Variants in NHSL1 observed in about 807,000 individuals in gnomAD.
NHSL1 encodes NHS-like protein 1.
NHSL1 carries 48 observed loss-of-function variants against 95.0 expected under a neutral mutation model. The observed-to-expected ratio is 0.51, with a 90% CI of 0.40 to 0.64. The LOEUF (loss-of-function observed/expected upper bound fraction) is 0.64, where lower values mean the gene tolerates loss of function less well. Ranked by LOEUF, NHSL1 falls within the 30% of genes least tolerant of loss-of-function variation. NHSL1 has a pLI of 0.00. For synonymous variants in NHSL1, 783 were observed against 833.9 expected, an observed-to-expected ratio of 0.94 and a Z score of 1.05; for missense variants, 1,971 against 2,077.7, an observed-to-expected ratio of 0.95 and a Z score of 1.00.
intron 1 of NHSL1, among the ~76,000 whole-genome samples, chr6:138,615,988 G>C (rs1784573849): frequency 6.6e-6 from 1 of 152,172 alleles, no homozygotes; most frequent in South Asian, 2.1e-4. Context: ...CCAGGAGTTT[G>C]AGCCCAGCCT....
At chr6:138,533,971 C>T (rs61146561) in intron 1 of NHSL1, among the ~76,000 whole-genome samples, 8,919 of 152,266 alleles carry the variant, frequency 0.059, 315 homozygotes, top group East Asian at 0.11. Flanking sequence ...TTTTCTCCTC[C>T]TCTATGACCA....
At chr6:138,509,915 T>A (rs1187835229) in intron 1 of NHSL1, among the ~76,000 whole-genome samples, 3 of 152,010 alleles carry the variant, frequency 2.0e-5, no homozygotes, top group Non-Finnish European at 4.4e-5. Context: ...AAGAAAAAAA[T>A]TTACATCAAT....
intron 1 of NHSL1, among the ~76,000 whole-genome samples, chr6:138,523,992 G>A (rs1405834663): frequency 6.6e-6 from 1 of 152,232 alleles, no homozygotes; most frequent in African/African-American, 2.4e-5. Context: ...GACCTGAGAT[G>A]TGTGAGCTGT....
intron 1 of NHSL1, among the ~76,000 whole-genome samples, chr6:138,590,379 TC>T (rs1434845599): frequency 1.3e-5 from 2 of 152,110 alleles, no homozygotes; most frequent in African/African-American, 4.8e-5. Flanking sequence ...CCTCCCAAAC[TC>T]AAAGATAACC....
intron 1 of NHSL1, among the ~76,000 whole-genome samples, chr6:138,589,222 C>T (rs866712276): frequency 6.6e-6 from 1 of 152,112 alleles, no homozygotes; most frequent in Non-Finnish European, 1.5e-5. Context: ...GTATCCTGTG[C>T]GTTCATGGGA....
chr6:138,518,322 A>G (rs1168384115), intron 1 of NHSL1, among the ~76,000 whole-genome samples: 1 of 151,980 alleles, frequency 6.6e-6, no homozygotes, highest in East Asian at 1.9e-4. Context: ...AAGTCTATCA[A>G]CTCAACACAG....
chr6:138,459,696 T>C (rs1248464616), intron 3 of NHSL1, among the ~76,000 whole-genome samples: 1 of 152,194 alleles, frequency 6.6e-6, no homozygotes, highest in Admixed American at 6.5e-5. Flanking sequence ...CCATTAAAAA[T>C]TGTTGGATTT....
intron 1 of NHSL1, among the ~76,000 whole-genome samples, chr6:138,590,986 A>G (rs1784215689): frequency 6.6e-6 from 1 of 152,170 alleles, no homozygotes; most frequent in South Asian, 2.1e-4. Context: ...TCTAATCCTG[A>G]TTTCAGCAGG....
intron 3 of NHSL1, among the ~76,000 whole-genome samples, chr6:138,465,145 A>C (rs1313399113): frequency 6.6e-6 from 1 of 151,524 alleles, no homozygotes; most frequent in Admixed American, 6.6e-5. Flanking sequence ...CACTCACCAC[A>C]CTCACTGAGT....
At chr6:138,638,260 A>G (rs903163804) in intron 1 of NHSL1, among the ~76,000 whole-genome samples, 2 of 152,218 alleles carry the variant, frequency 1.3e-5, no homozygotes, top group East Asian at 1.9e-4. Flanking sequence ...AAAAAAATAG[A>G]AAGAATAAGA....
intron 1 of NHSL1, among the ~76,000 whole-genome samples, chr6:138,680,762 G>A (rs570071290): frequency 5.9e-5 from 9 of 152,130 alleles, no homozygotes; most frequent in South Asian, 2.1e-4. Flanking sequence ...GACCACAGGC[G>A]CGAGCCACCA....
intron 1 of NHSL1, among the ~76,000 whole-genome samples, chr6:138,533,491 T>C (rs1298052564): frequency 2.0e-5 from 3 of 152,214 alleles, no homozygotes; most frequent in Non-Finnish European, 4.4e-5. Flanking sequence ...GAGGTTGCGG[T>C]GAGCCGAGAT....
chr6:138,462,548 G>A (rs191348761), intron 3 of NHSL1, among the ~76,000 whole-genome samples: 15 of 152,264 alleles, frequency 9.9e-5, no homozygotes, highest in African/African-American at 3.4e-4. Context: ...TGTGAGTTTT[G>A]GTGGGGACAA....
chr6:138,541,366 C>T (rs980759837), intron 1 of NHSL1, among the ~76,000 whole-genome samples: 6 of 151,430 alleles, frequency 4.0e-5, no homozygotes, highest in African/African-American at 1.5e-4. Context: ...GACTCTGTCT[C>T]AAAAAAAATA....
chr6:138,648,300 C>A (rs115136810), intron 1 of NHSL1, among the ~76,000 whole-genome samples: 1 of 144,464 alleles, frequency 6.9e-6, no homozygotes, highest in African/African-American at 2.6e-5. Flanking sequence ...CAGCTATAGA[C>A]AATCATAAAT....
chr6:138,629,653 G>A lies in NHSL1; in HGVS notation c.96+62823C>T, dbSNP rs137991103. ...CCACCTTGGCCTCCCAAAGTGTTGCGATTACAGGCGTGAGCCACCACGCCC... is the reference window on the plus strand; with the variant it reads ...CCACCTTGGCCTCCCAAAGTGTTGCAATTACAGGCGTGAGCCACCACGCCC... On this transcript the variant is annotated intron_variant, in intron 1 of 3. Coordinates refer to the NHSL1 transcript ENST00000491526. 7.8e-3 allele frequency among the ~76,000 whole-genome samples: 1,190 copies of A among 152,326 alleles called. 7 individuals are homozygous for A. The highest frequency in any genetic ancestry group is 0.012 in the Non-Finnish European group (810 of 68,034).
At chr6:138,577,990 T>C (rs1783996838) in intron 1 of NHSL1, among the ~76,000 whole-genome samples, 1 of 152,168 alleles carries the variant, frequency 6.6e-6, no homozygotes, top group Admixed American at 6.5e-5. Flanking sequence ...AAAGAAGTCA[T>C]GGAAGGCAAA....
At position 138,591,782 on chromosome 6, in the gene NHSL1, CCCA is replaced by C. The variant is rs146681489; in HGVS notation, c.97-95414_97-95412del. ...GGTTCTAAGTCGCGTGATGAAATCT[CCCA>C]CCGTCCTGCTCTGTCCAGCCCTGCA... On this transcript the variant is annotated intron_variant, in intron 1 of 3. Coordinates refer to the NHSL1 transcript ENST00000491526. 1.4e-3 allele frequency among the ~76,000 whole-genome samples: 216 copies of C among 152,278 alleles called. 3 individuals carry two copies. The East Asian group carries it at 0.028, about 19-fold the overall frequency.
At chr6:138,603,634 T>C (rs1292230435) in intron 1 of NHSL1, among the ~76,000 whole-genome samples, 1 of 152,190 alleles carries the variant, frequency 6.6e-6, no homozygotes, top group Non-Finnish European at 1.5e-5. Context: ...ATTACCACTA[T>C]AAATTATTGT....
Sources: allele counts gnomAD v4.1 joint callset (sites outside exome capture counted in the v4.1 genomes callset), GRCh38; gene constraint gnomAD v4.1.1; transcripts MANE v1.5; gene names NCBI Gene and HGNC (gene_info 2026-07-23, HGNC 2026-07-21).